The following CPEB1 variants were observed in gnomAD, a reference collection of about 807,000 sequenced individuals.
CPEB1 encodes cytoplasmic polyadenylation element-binding protein 1.
A neutral mutation model predicts 65.8 loss-of-function variants in CPEB1; 7 were observed. The observed-to-expected ratio is 0.11, with a 90% CI of 0.06 to 0.20. CPEB1 has a LOEUF of 0.20. CPEB1 is among the 10% of genes least tolerant of loss of function. The pLI is 1.00. For missense variants in CPEB1, 551 were observed against 712.2 expected (o/e 0.77, Z 2.58); for synonymous variants, 262 against 260.0 (o/e 1.01, Z -0.08).
intron 1 of CPEB1, among the ~76,000 whole-genome samples, chr15:82,643,358 A>G (rs1358280365): frequency 2.0e-5 from 3 of 152,188 alleles, no homozygotes; most frequent in Non-Finnish European, 2.9e-5. Flanking sequence ...GAGGCTGGGC[A>G]CGGTGGCTCA....
At chr15:82,608,340 G>A (rs1274698047) in intron 3 of CPEB1, among the ~76,000 whole-genome samples, 1 of 152,120 alleles carries the variant, frequency 6.6e-6, no homozygotes, top group African/African-American at 2.4e-5. Flanking sequence ...CTCGGAGGTA[G>A]GTCAAATACA....
intron 8 of CPEB1, among the ~76,000 whole-genome samples, chr15:82,553,128 G>C (rs1293118456): frequency 6.6e-6 from 1 of 152,168 alleles, no homozygotes; most frequent in Non-Finnish European, 1.5e-5. Context: ...AACGTAACTG[G>C]GCAGGACAGG....
intron 3 of CPEB1, among the ~76,000 whole-genome samples, chr15:82,588,405 C>T (rs2041970590): frequency 6.6e-6 from 1 of 152,204 alleles, no homozygotes; most frequent in Admixed American, 6.5e-5. Flanking sequence ...AGCATGTATA[C>T]ACATAGCTTT....
rs2043149697 is a variant in CPEB1 at position 82,601,866 on chromosome 15, A to G, written c.271+25327T>C. On this transcript the variant is annotated intron_variant, in intron 3 of 12. Transcript: ENST00000684509. Reference sequence around the variant, plus strand: ...AGCATACAAAAATCAATAAAGCCAAACAACAACCCTAAAAGGAGAGATAAT... The same window carrying G: ...AGCATACAAAAATCAATAAAGCCAAGCAACAACCCTAAAAGGAGAGATAAT... Among the ~76,000 whole-genome samples the G allele has an allele frequency of 2.0e-5, 3 of 152,204 alleles. 1 individual carries two copies. The South Asian group carries it at 6.2e-4, about 32-fold the overall frequency.
intron 1 of CPEB1, among the ~76,000 whole-genome samples, chr15:82,632,139 G>A (rs895840176): frequency 4.0e-5 from 6 of 151,688 alleles, no homozygotes; most frequent in Admixed American, 3.9e-4. Flanking sequence ...CCGCCACCAC[G>A]CCCGGCTCAT....
In CPEB1 at chr15:82,576,930, T is replaced by G. The variant is rs891977820; in HGVS notation, c.272-5398A>C. Among the ~76,000 whole-genome samples, 5 of 152,056 alleles carry G rather than the reference T, an allele frequency of 3.3e-5. No individual in the cohort carries two copies. The Middle Eastern group carries it at 0.01, about 310-fold the overall frequency. ...GTCACAGCTACTTGGGTGGCTGAGG[T>G]GGAAGGATCGCTTGAGCCTAGGAGG... On this transcript the variant is annotated intron_variant, in intron 3 of 12. Transcript: ENST00000684509.
chr15:82,575,201 A>G (rs2040519603), intron 3 of CPEB1, among the ~76,000 whole-genome samples: 3 of 152,234 alleles, frequency 2.0e-5, no homozygotes, highest in African/African-American at 2.4e-5. Context: ...TGTAATCCCA[A>G]TATACCAGAC....
intron 3 of CPEB1, among the ~76,000 whole-genome samples, chr15:82,612,085 G>A (rs1237584421): frequency 6.6e-6 from 1 of 151,870 alleles, no homozygotes; most frequent in African/African-American, 2.4e-5. Flanking sequence ...ATAAAAACTG[G>A]AAATTCTAAA....
intron 3 of CPEB1, among the ~76,000 whole-genome samples, chr15:82,610,345 T>G (rs977163471): frequency 1.3e-5 from 2 of 152,114 alleles, no homozygotes; most frequent in Non-Finnish European, 2.9e-5. Flanking sequence ...GAGGGAACAC[T>G]TTACAACTCA....
chr15:82,606,218 A>C (rs1484946312), intron 3 of CPEB1, among the ~76,000 whole-genome samples: 1 of 152,184 alleles, frequency 6.6e-6, no homozygotes, highest in Non-Finnish European at 1.5e-5. Context: ...CTGTAATCCC[A>C]GCACTTTGGG....
At chr15:82,635,982 C>T (rs889721796) in intron 1 of CPEB1, among the ~76,000 whole-genome samples, 1 of 152,138 alleles carries the variant, frequency 6.6e-6, no homozygotes, top group African/African-American at 2.4e-5. Flanking sequence ...GCTACAGGTC[C>T]TAACCTCCTT....
At chr15:82,548,496 G>C (rs974564727) in intron 10 of CPEB1, among the ~76,000 whole-genome samples, 5 of 152,194 alleles carry the variant, frequency 3.3e-5, no homozygotes, top group Admixed American at 6.5e-5. Context: ...TTCAGGAATG[G>C]GGGAAGAATT....
At chr15:82,628,100 A>G in intron 2 of CPEB1, 1 of 663,664 alleles carries the variant, frequency 1.5e-6, no homozygotes, top group South Asian at 1.7e-5. Context: ...AGAGAACCCC[A>G]ATAGAGAGAA....
chr15:82,636,543 G>T (rs1307287060), intron 1 of CPEB1, among the ~76,000 whole-genome samples: 1 of 152,136 alleles, frequency 6.6e-6, no homozygotes, highest in Non-Finnish European at 1.5e-5. Flanking sequence ...TCCAGGACAG[G>T]TTTATGAGAA....
chr15:82,586,350 C>T (rs1007771550), intron 3 of CPEB1, among the ~76,000 whole-genome samples: 4 of 151,698 alleles, frequency 2.6e-5, no homozygotes, highest in African/African-American at 4.8e-5. Flanking sequence ...TAAGCCAGTA[C>T]TTATTGTCCT....
chr15:82,616,027 T>C (rs1441051936), intron 3 of CPEB1, among the ~76,000 whole-genome samples: 2 of 152,110 alleles, frequency 1.3e-5, no homozygotes, highest in Admixed American at 1.3e-4. Context: ...TTAAAATGTA[T>C]TGATTTTACT....
intron 3 of CPEB1, among the ~76,000 whole-genome samples, chr15:82,612,940 A>C (rs988239592): frequency 6.6e-6 from 1 of 151,768 alleles, no homozygotes; most frequent in Non-Finnish European, 1.5e-5. Context: ...ACAAAAACAC[A>C]CTCCAGGCCC....
At chr15:82,626,920 A>C (rs1381413101) in intron 3 of CPEB1, among the ~76,000 whole-genome samples, 1 of 152,246 alleles carries the variant, frequency 6.6e-6, no homozygotes, top group Non-Finnish European at 1.5e-5. Flanking sequence ...GATCCACATT[A>C]TATCTCTTTA....
chr15:82,544,549 G>T lies in CPEB1; in HGVS notation c.*43C>A. On this transcript the variant is annotated 3_prime_UTR_variant, in exon 13 of 13. Coordinates refer to ENST00000684509, the MANE Select transcript of CPEB1 (RefSeq NM_001365242.1). ...GTGGTGCAGGCTGCTTGCCTGACCT[G>T]CCAGCTTTGGGCGCCACAGGCCACT... The T allele has an allele frequency of 6.6e-7, 1 of 1,510,102 alleles. No homozygotes were observed. 93.5% of individuals were successfully genotyped at this position (1,510,102 alleles called of 1,614,324 possible). A position where few individuals can be genotyped will look rare whatever the true frequency, so the allele number is the denominator to read the frequency against.
Sources: gnomAD v4.1 joint callset for allele counts (sites outside exome capture counted in the v4.1 genomes callset) on GRCh38, gnomAD v4.1.1 for gene constraint, MANE v1.5 for transcripts, NCBI Gene and HGNC (gene_info 2026-07-23, HGNC 2026-07-21) for gene names.